Variants in PFDN4 observed in about 807,000 individuals in gnomAD.
PFDN4 encodes prefoldin 4.
A neutral mutation model predicts 17.6 loss-of-function variants in PFDN4; 6 were observed. The observed-to-expected ratio is 0.34, with a 90% CI of 0.19 to 0.67. PFDN4 has a LOEUF of 0.67. PFDN4 is among the 30% of genes least tolerant of loss of function. PFDN4 has a pLI of 0.68. For synonymous variants in PFDN4, 48 were observed against 51.1 expected (o/e 0.94, Z 0.26); for missense variants, 119 against 158.4 (o/e 0.75, Z 1.33).
chr20:54,211,186 G>A (rs1266795719), intron 1 of PFDN4, among the ~76,000 whole-genome samples: 1 of 152,184 alleles, frequency 6.6e-6, no homozygotes, highest in African/African-American at 2.4e-5. Flanking sequence ...ATAAAAGACT[G>A]AAATTGGCCA....
At chr20:54,209,895 A>G (rs1160979283) in intron 1 of PFDN4, among the ~76,000 whole-genome samples, 5 of 152,168 alleles carry the variant, frequency 3.3e-5, no homozygotes, top group African/African-American at 1.2e-4. Context: ...AGCCCCAAAG[A>G]ACGTATGTTC....
chr20:54,216,817 C>T (rs886223775), intron 3 of PFDN4, among the ~76,000 whole-genome samples: 9 of 152,066 alleles, frequency 5.9e-5, no homozygotes, highest in African/African-American at 1.9e-4. Flanking sequence ...CCACCACGCC[C>T]AGCTAATTTT....
At chr20:54,212,184 C>G (rs2092756768) in intron 1 of PFDN4, among the ~76,000 whole-genome samples, 1 of 136,774 alleles carries the variant, frequency 7.3e-6, no homozygotes, top group African/African-American at 3.1e-5. Flanking sequence ...CAGAGTGAGA[C>G]TCTGTCTCAC....
intron 3 of PFDN4, 116 bp from the exon 4 acceptor site, chr20:54,218,902 TG>T: frequency 1.6e-6 from 1 of 627,854 alleles, no homozygotes; most frequent in Middle Eastern, 3.6e-4. Flanking sequence ...GTTACTTAGC[TG>T]CCTGTCCAAG....
intron 3 of PFDN4, 99 bp from the exon 4 acceptor site, chr20:54,218,920 A>C (rs1341114119): frequency 5.5e-6 from 4 of 728,938 alleles, no homozygotes; most frequent in Admixed American, 3.4e-5. Flanking sequence ...CAAGTTTAGA[A>C]GGTTCTTGAC....
At chr20:54,210,246 T>C (rs1175921608) in intron 1 of PFDN4, among the ~76,000 whole-genome samples, 1 of 152,214 alleles carries the variant, frequency 6.6e-6, no homozygotes, top group Non-Finnish European at 1.5e-5. Context: ...GGCCAAAATA[T>C]AAAGGAGCTT....
chr20:54,210,336 C>G (rs187312302), intron 1 of PFDN4, among the ~76,000 whole-genome samples: 2 of 152,160 alleles, frequency 1.3e-5, no homozygotes, highest in Non-Finnish European at 2.9e-5. Flanking sequence ...GGAACAATTC[C>G]CGATAGATTA....
intron 3 of PFDN4, among the ~76,000 whole-genome samples, chr20:54,215,846 C>G (rs1052888046): frequency 6.6e-6 from 1 of 152,248 alleles, no homozygotes; most frequent in Non-Finnish European, 1.5e-5. Context: ...CTCTCTGCCT[C>G]TCTCCGTGTA....
chr20:54,208,827 C>G (rs1004191085), intron 1 of PFDN4: 7 of 152,272 alleles, frequency 4.6e-5, no homozygotes, highest in Admixed American at 2.0e-4. Flanking sequence ...TTCCTCTCCA[C>G]TTTGCAGGTA....
At chr20:54,215,250 T>A (rs1171630133) in intron 2 of PFDN4, 50 bp from the exon 3 acceptor site, 2 of 1,456,394 alleles carry the variant, frequency 1.4e-6, no homozygotes, top group African/African-American at 2.8e-5. Flanking sequence ...GGCCTTTAGC[T>A]TCTATCAGAG....
chr20:54,208,105 C>A lies in PFDN4; in HGVS notation c.5C>A (p.Ala2Glu). ...CTGCGGTAGTCCAGTCCCAAGATGG[C>A]GGCCACCATGAAGAAGGCGGTGAGT... M[A>E]ATMKKAAAED... The change falls in exon 1 of 4, where the codon GCG becomes GAG. Residue 2 changes from alanine to glutamate, a missense_variant. Around this residue, in one of 3 missense-constraint regions of PFDN4, gnomAD observed 29 missense variants for 18.9 expected, o/e 1.54. Transcript: ENST00000371419. 1.3e-6 allele frequency: 2 copies of A among 1,554,366 alleles called. No homozygotes were observed. Among genetic ancestry groups the A allele is most frequent in the Non-Finnish European group, 1.7e-6 (2 of 1,149,330 alleles).
At position 54,219,758 on chromosome 20, in the gene PFDN4, A is replaced by G. The variant is rs978399427; in HGVS notation, c.*608A>G. The G allele has an allele frequency of 5.0e-6, 2 of 398,414 alleles. No individual in the cohort carries two copies. The allele number at this position is 398,414 out of a possible 1,614,324, so 24.7% of individuals were successfully genotyped here. On this transcript the variant is annotated 3_prime_UTR_variant, in exon 4 of 4. Coordinates refer to ENST00000371419, the MANE Select transcript of PFDN4 (RefSeq NM_002623.4). ...ATGTGGAGCTTTATACAAACAGGGC[A>G]GAACCACAGAAGAACGTTTTAGAAA...
At chr20:54,211,155 G>C (rs2092755288) in intron 1 of PFDN4, among the ~76,000 whole-genome samples, 2 of 152,174 alleles carry the variant, frequency 1.3e-5, no homozygotes, top group South Asian at 2.1e-4. Flanking sequence ...AGACTTGGTA[G>C]ATATGTTTTT....
At chr20:54,208,230 G>A in intron 1 of PFDN4, 106 bp downstream of exon 1, 1 of 1,088,260 alleles carries the variant, frequency 9.2e-7, no homozygotes, top group East Asian at 3.2e-5. Flanking sequence ...GCCCGGCGTG[G>A]GACCCGAGGC....
intron 1 of PFDN4, 39 bp downstream of exon 1, chr20:54,208,163 G>T: frequency 6.6e-7 from 1 of 1,511,186 alleles, no homozygotes; most frequent in Non-Finnish European, 8.9e-7. Flanking sequence ...CTCGGGCGGC[G>T]CCGGATCTCG....
chr20:54,208,568 CTG>C (rs2146537030), intron 1 of PFDN4: 1 of 161,586 alleles, frequency 6.2e-6, no homozygotes, highest in Non-Finnish European at 1.3e-5. Context: ...GGTGAGGAAA[CTG>C]AGGCCCAGAG....
chr20:54,216,222 T>G (rs1242403290), intron 3 of PFDN4, among the ~76,000 whole-genome samples: 1 of 152,214 alleles, frequency 6.6e-6, no homozygotes, highest in Admixed American at 6.5e-5. Context: ...ATTTGATACA[T>G]GGTATGAAAT....
In PFDN4 at chr20:54,208,113, A is replaced by G. The variant is rs563719855; in HGVS notation, c.13A>G (p.Met5Val). 6.4e-7 allele frequency: 1 copy of G among 1,557,200 alleles called. No individual in the cohort carries two copies. The highest frequency in any genetic ancestry group is 8.7e-7 in the Non-Finnish European group (1 of 1,150,636). ...GTCCAGTCCCAAGATGGCGGCCACC[A>G]TGAAGAAGGCGGTGAGTGGGGAGCT... MAAT[M>V]KKAAAEDVNV... is the part of the protein sequence containing the mutation. Residue 5 changes from methionine to valine, a missense_variant, in exon 1 of 4, where the codon ATG becomes GTG. Physicochemically the swap from Met to Val is conservative, Grantham distance 21. Transcript: ENST00000371419.
At chr20:54,210,944 G>A (rs771690576) in intron 1 of PFDN4, among the ~76,000 whole-genome samples, 3 of 152,186 alleles carry the variant, frequency 2.0e-5, no homozygotes, top group Non-Finnish European at 2.9e-5. Flanking sequence ...AATTAGCTGG[G>A]CATGATGGCG....
Sources: allele counts gnomAD v4.1 joint callset (sites outside exome capture counted in the v4.1 genomes callset), GRCh38; gene constraint gnomAD v4.1.1; regional missense constraint gnomAD v4.1.1; transcripts MANE v1.5; gene names NCBI Gene and HGNC (gene_info 2026-07-23, HGNC 2026-07-21).